Variants in RIMKLB observed in about 807,000 individuals in gnomAD.
RIMKLB encodes the protein ribosomal modification protein rimK like family member B, also known as beta-citrylglutamate synthase B.
In RIMKLB, 7 loss-of-function variants were observed where a neutral mutation model predicts 32.0. The ratio of observed to expected loss-of-function variants is 0.22; its 90% CI spans 0.12 to 0.41. RIMKLB has a LOEUF of 0.41. RIMKLB is among the 10% of genes least tolerant of loss of function. RIMKLB has a pLI of 1.00. For missense variants in RIMKLB, 289 were observed against 498.7 expected, an observed-to-expected ratio of 0.58 and a Z score of 4.00; for synonymous variants, 172 against 185.1, an observed-to-expected ratio of 0.93 and a Z score of 0.57.
chr12:8,772,907 T>G (rs1439680941), intron 5 of RIMKLB, among the ~76,000 whole-genome samples: 1 of 152,206 alleles, frequency 6.6e-6, no homozygotes, highest in Non-Finnish European at 1.5e-5. Context: ...GTGGGGGCTA[T>G]AGAGGAAGAA....
intron 1 of RIMKLB, among the ~76,000 whole-genome samples, chr12:8,704,753 A>G (rs1215317854): frequency 6.6e-6 from 1 of 152,108 alleles, no homozygotes; most frequent in East Asian, 1.9e-4. Context: ...AGACTGAGGC[A>G]GGAGAATTTT....
the RIMKLB span, among the ~76,000 whole-genome samples, chr12:8,670,120 C>T: frequency 2.6e-5 from 4 of 151,812 alleles, no homozygotes; most frequent in African/African-American, 7.3e-5. Flanking sequence ...GGGAATTCAC[C>T]GAAGTTGAGA....
At chr12:8,678,057 C>T (rs1488528638), upstream of RIMKLB, among the ~76,000 whole-genome samples, 1 of 151,754 alleles carries the variant, frequency 6.6e-6, no homozygotes, top group African/African-American at 2.4e-5. Context: ...GCTGGGATTA[C>T]AGGTGTAAAC....
chr12:8,685,557 A>C (rs1200238185), intron 1 of RIMKLB, among the ~76,000 whole-genome samples: 1 of 149,216 alleles, frequency 6.7e-6, no homozygotes, highest in South Asian at 2.1e-4. Context: ...AAATTGTTGC[A>C]TTCCGTTTGC....
the RIMKLB span, among the ~76,000 whole-genome samples, chr12:8,673,919 A>G: frequency 9.2e-5 from 14 of 152,130 alleles, no homozygotes; most frequent in African/African-American, 2.9e-4. Context: ...CTGACAGCAC[A>G]ATCATGGGTT....
chr12:8,698,324 C>T (rs1304222036), intron 1 of RIMKLB, 27 bp downstream of exon 1: 1 of 303,444 alleles, frequency 3.3e-6, no homozygotes, highest in Non-Finnish European at 6.8e-6. Flanking sequence ...CTGTTGCCCT[C>T]GGGTGTAGAG....
At chr12:8,781,648 T>C (rs1299424350), downstream of RIMKLB, among the ~76,000 whole-genome samples, 1 of 152,168 alleles carries the variant, frequency 6.6e-6, no homozygotes, top group Non-Finnish European at 1.5e-5. Context: ...TCACATTCAG[T>C]CCTGAATTTT....
chr12:8,687,872 A>G (rs1469399538), intron 1 of RIMKLB, among the ~76,000 whole-genome samples: 3 of 151,786 alleles, frequency 2.0e-5, no homozygotes, highest in African/African-American at 7.3e-5. Context: ...TCAAGAAACA[A>G]TTGCTTTGCC....
chr12:8,754,235 A>G (rs1228450492), intron 5 of RIMKLB, 142 bp downstream of exon 5: 2 of 626,044 alleles, frequency 3.2e-6, no homozygotes, highest in African/African-American at 1.8e-5. Context: ...ATTTTTACAC[A>G]TGCCATCAAT....
Position 8,730,217 on chromosome 12 carries a change from C to T in RIMKLB, c.175+16176C>T, listed in dbSNP as rs145672938. ...TCTCCCACCTCAGCCTCCCAGGTAG[C>T]TGAGACTGCAGGCATGCATCACCAC... is the stretch of plus-strand genomic sequence containing the variant. On this transcript the variant is annotated intron_variant, in intron 2 of 5. Coordinates refer to ENST00000535829, the MANE Select transcript of RIMKLB (RefSeq NM_001297776.2). 5.4e-3 allele frequency among the ~76,000 whole-genome samples: 825 copies of T among 152,302 alleles called. 3 individuals are homozygous for T. Among genetic ancestry groups the T allele is most frequent in the South Asian group, 9.1e-3 (44 of 4,828 alleles).
At chr12:8,704,129 A>T (rs968944440) in intron 1 of RIMKLB, among the ~76,000 whole-genome samples, 1 of 152,198 alleles carries the variant, frequency 6.6e-6, no homozygotes, top group Non-Finnish European at 1.5e-5. Flanking sequence ...CACGCCTGTA[A>T]TCCCAACACT....
chr12:8,668,791 A>G, the RIMKLB span: 1 of 152,178 alleles, frequency 6.6e-6, no homozygotes, highest in African/African-American at 2.4e-5. Context: ...AGCACCAGCT[A>G]ACACCTTGAT....
chr12:8,781,255 C>T (rs765174967), downstream of RIMKLB, among the ~76,000 whole-genome samples: 25 of 152,116 alleles, frequency 1.6e-4, 1 homozygote, highest in Non-Finnish European at 3.1e-4. Flanking sequence ...GCAGGAGAAT[C>T]GCTTGAAACC....
At chr12:8,730,316 G>C (rs58863166) in intron 2 of RIMKLB, among the ~76,000 whole-genome samples, 12,539 of 152,180 alleles carry the variant, frequency 0.082, 1,706 homozygotes, top group African/African-American at 0.28. Flanking sequence ...GTTTTGAATT[G>C]CTGGGCTCAG....
upstream of RIMKLB, among the ~76,000 whole-genome samples, chr12:8,692,356 C>G (rs887612309): frequency 6.6e-6 from 1 of 152,174 alleles, no homozygotes; most frequent in African/African-American, 2.4e-5. Flanking sequence ...TTTCATGTGT[C>G]TAAAGATCAT....
chr12:8,687,713 G>C (rs1942615608), intron 1 of RIMKLB, among the ~76,000 whole-genome samples: 1 of 150,722 alleles, frequency 6.6e-6, no homozygotes, highest in African/African-American at 2.5e-5. Flanking sequence ...AAATCTGTAG[G>C]AACAAATTAG....
chr12:8,736,570 C>T (rs1361767726), intron 2 of RIMKLB, among the ~76,000 whole-genome samples: 1 of 143,606 alleles, frequency 7.0e-6, no homozygotes, highest in Non-Finnish European at 1.5e-5. Flanking sequence ...GGCTGGAGTG[C>T]AGTGGTGTGA....
chr12:8,685,757 C>T (rs1942550749), intron 1 of RIMKLB, among the ~76,000 whole-genome samples: 1 of 151,352 alleles, frequency 6.6e-6, no homozygotes, highest in Admixed American at 6.6e-5. Context: ...GATTCTCTTG[C>T]CTCAGCTTCC....
rs118060138 is a variant in RIMKLB at position 8,768,770 on chromosome 12, T to G, written c.698-4551T>G. Among the ~76,000 whole-genome samples the G allele has an allele frequency of 9.2e-3, 1,402 of 152,332 alleles. 7 individuals carry two copies. Among genetic ancestry groups the G allele is most frequent in the Non-Finnish European group, 0.014 (925 of 68,030 alleles). ...CACTTCTGGGGGCGGTTTTGGAAAT[T>G]TATCATTTGCTTGGAAAATGATACA... On this transcript the variant is annotated intron_variant, in intron 5 of 5. Coordinates refer to ENST00000535829, the MANE Select transcript of RIMKLB (RefSeq NM_001297776.2).
Sources: gnomAD v4.1 joint callset for allele counts (sites outside exome capture counted in the v4.1 genomes callset) on GRCh38, gnomAD v4.1.1 for gene constraint, MANE v1.5 for transcripts, NCBI Gene and HGNC (gene_info 2026-07-23, HGNC 2026-07-21) for gene names.